NFIB: variants seen among roughly 807,000 people sequenced by gnomAD.
NFIB encodes the protein nuclear factor 1 B-type.
A neutral mutation model predicts 61.5 loss-of-function variants in NFIB; 11 were observed. The observed-to-expected ratio is 0.18, with a 90% CI of 0.11 to 0.30. NFIB has a LOEUF of 0.30. Ranked by LOEUF, NFIB falls within the 10% of genes least tolerant of loss-of-function variation. The pLI is 1.00. For synonymous variants in NFIB, 260 were observed against 216.5 expected (o/e 1.20, Z -1.76); for missense variants, 471 against 608.9 (o/e 0.77, Z 2.38).
chr9:14,225,343 G>A (rs149818066), intron 2 of NFIB, among the ~76,000 whole-genome samples: 2 of 151,464 alleles, frequency 1.3e-5, no homozygotes, highest in Non-Finnish European at 2.9e-5. Flanking sequence ...GAAAATAGGT[G>A]CTACTTGGGA....
At chr9:14,338,909 C>T (rs989873534) in intron 1 of NFIB, among the ~76,000 whole-genome samples, 1 of 150,196 alleles carries the variant, frequency 6.7e-6, no homozygotes, top group African/African-American at 2.5e-5. Context: ...CGATAGTTTT[C>T]CGTCTACTGT....
chr9:14,315,026 A>G (rs919075019), upstream of NFIB, among the ~76,000 whole-genome samples: 28 of 151,752 alleles, frequency 1.8e-4, no homozygotes, highest in African/African-American at 6.8e-4. Flanking sequence ...TGGGGCGCGG[A>G]CACTCGCACC....
At chr9:14,398,990 C>T (rs1040478867), upstream of NFIB, 5 of 232,872 alleles carry the variant, frequency 2.1e-5, no homozygotes, top group Middle Eastern at 1.2e-3. Flanking sequence ...AATATAGTAG[C>T]CCCTAGCTAC....
intron 6 of NFIB, among the ~76,000 whole-genome samples, chr9:14,129,339 A>G (rs528974221): frequency 6.6e-6 from 1 of 151,486 alleles, no homozygotes; most frequent in Non-Finnish European, 1.5e-5. Context: ...CAGCATGCAG[A>G]AGGCACTATG....
chr9:14,528,038 T>C, the NFIB span, among the ~76,000 whole-genome samples: 2 of 152,138 alleles, frequency 1.3e-5, no homozygotes, highest in African/African-American at 4.8e-5. Flanking sequence ...GACCGTAACA[T>C]ATACTAGTTT....
chr9:14,511,257 AT>A, the NFIB span, among the ~76,000 whole-genome samples: 876 of 151,910 alleles, frequency 5.8e-3, 6 homozygotes, highest in African/African-American at 0.02. Flanking sequence ...GTTCGTTTAT[AT>A]TTTTTTGTGT....
At chr9:14,271,381 G>GT (rs2057612417) in intron 2 of NFIB, among the ~76,000 whole-genome samples, 1 of 151,958 alleles carries the variant, frequency 6.6e-6, no homozygotes, top group Non-Finnish European at 1.5e-5. Context: ...TGCCTCCTTA[G>GT]TTGAAAGAGT....
chr9:14,349,708 CT>C (rs1199156750), intron 1 of NFIB, among the ~76,000 whole-genome samples: 2 of 152,116 alleles, frequency 1.3e-5, no homozygotes. Context: ...GGAAGTTAGC[CT>C]CATCTTGTTT....
intron 2 of NFIB, among the ~76,000 whole-genome samples, chr9:14,185,678 T>C (rs2047263583): frequency 6.6e-6 from 1 of 152,068 alleles, no homozygotes; most frequent in Non-Finnish European, 1.5e-5. Flanking sequence ...ACTATAAAAG[T>C]GCACAAGAAA....
the NFIB span, among the ~76,000 whole-genome samples, chr9:14,405,487 T>C: frequency 6.6e-6 from 1 of 152,236 alleles, no homozygotes; most frequent in Non-Finnish European, 1.5e-5. Context: ...TGAAGATCTA[T>C]GTTATGCGGT....
chr9:14,162,148 AT>A (rs1431936898), intron 3 of NFIB, among the ~76,000 whole-genome samples: 10 of 152,196 alleles, frequency 6.6e-5, no homozygotes, highest in African/African-American at 9.6e-5. Flanking sequence ...TTAAAAATAT[AT>A]AAAATAGAAA....
chr9:14,238,698 T>C (rs907061586), intron 2 of NFIB, among the ~76,000 whole-genome samples: 1 of 152,144 alleles, frequency 6.6e-6, no homozygotes, highest in African/African-American at 2.4e-5. Context: ...CATCCTAGTA[T>C]TTCATTGTGG....
At chr9:14,306,899 G>A in intron 2 of NFIB, 90 bp downstream of exon 2, 1 of 1,510,014 alleles carries the variant, frequency 6.6e-7, no homozygotes, top group South Asian at 1.3e-5. Flanking sequence ...TAGGGGCCTT[G>A]AGGACCATCT....
At chr9:14,232,509 TA>T (rs1278249579) in intron 2 of NFIB, among the ~76,000 whole-genome samples, 2 of 152,076 alleles carry the variant, frequency 1.3e-5, no homozygotes, top group East Asian at 3.9e-4. Flanking sequence ...AAAAATTAAA[TA>T]AACAAAAGCC....
At chr9:14,273,032 A>T (rs1296409562) in intron 2 of NFIB, among the ~76,000 whole-genome samples, 1 of 152,188 alleles carries the variant, frequency 6.6e-6, no homozygotes, top group African/African-American at 2.4e-5. Context: ...TTATATTGAG[A>T]GTGTCAGTCC....
the NFIB span, among the ~76,000 whole-genome samples, chr9:14,426,036 C>T: frequency 9.2e-5 from 14 of 152,152 alleles, no homozygotes; most frequent in Admixed American, 7.9e-4. Context: ...TATTCAATTA[C>T]TTTCTTTTTA....
In NFIB at chr9:14,320,828, G is replaced by A. The variant is rs189056584; in HGVS notation, c.109-13308C>T. Among the ~76,000 whole-genome samples, 21 of 152,192 alleles carry A rather than the reference G, an allele frequency of 1.4e-4. No individual in the cohort carries two copies. The East Asian group carries it at 3.3e-3, about 24-fold the overall frequency. ...TGGGATCAAAAGTTAACTTTTTCCC[G>A]CCTATTGGAAGTTAAAGTTACAAGG... is the stretch of plus-strand genomic sequence containing the variant. On this transcript the variant is annotated intron_variant, in intron 1 of 8. Coordinates refer to the NFIB transcript ENST00000380934.
At chr9:14,128,558 C>CGTGGTG (rs1320256923) in intron 6 of NFIB, among the ~76,000 whole-genome samples, 1 of 151,698 alleles carries the variant, frequency 6.6e-6, no homozygotes, top group Non-Finnish European at 1.5e-5. Context: ...ATTAGCTGGG[C>CGTGGTG]GTGGTGGTGG....
At chr9:14,367,188 G>A (rs529426985) in intron 1 of NFIB, among the ~76,000 whole-genome samples, 1 of 152,234 alleles carries the variant, frequency 6.6e-6, no homozygotes, top group South Asian at 2.1e-4. Flanking sequence ...AGAAGATAAT[G>A]TGCATTCTTT....
Sources: gnomAD v4.1 joint callset for allele counts (sites outside exome capture counted in the v4.1 genomes callset) on GRCh38, gnomAD v4.1.1 for gene constraint, MANE v1.5 for transcripts, NCBI Gene and HGNC (gene_info 2026-07-23, HGNC 2026-07-21) for gene names.